Variants in MYT1L observed in about 807,000 individuals in gnomAD.
The protein encoded by MYT1L is myelin transcription factor 1-like protein.
Under a neutral mutation model 126.7 loss-of-function variants are expected in MYT1L, and 12 were observed. The ratio of observed to expected loss-of-function variants is 0.09; its 90% CI spans 0.06 to 0.15. The LOEUF (loss-of-function observed/expected upper bound fraction) is 0.15. Ranked by LOEUF, MYT1L falls within the 10% of genes least tolerant of loss-of-function variation. The probability of loss-of-function intolerance (pLI) is 1.00; values close to 1 mark genes in which losing one functional copy is unlikely to be tolerated. For missense variants in MYT1L, 979 were observed against 1,585.2 expected, an observed-to-expected ratio of 0.62 and a Z score of 6.49; for synonymous variants, 541 against 604.2, an observed-to-expected ratio of 0.90 and a Z score of 1.53.
chr2:1,871,253 C>T (rs1053625692), intron 18 of MYT1L, among the ~76,000 whole-genome samples: 1 of 152,190 alleles, frequency 6.6e-6, no homozygotes, highest in Non-Finnish European at 1.5e-5. Flanking sequence ...TGAAGTGCTA[C>T]GGAAATCTCT....
At chr2:1,837,756 C>T (rs2041104539) in intron 21 of MYT1L, among the ~76,000 whole-genome samples, 2 of 152,026 alleles carry the variant, frequency 1.3e-5, no homozygotes, top group Admixed American at 1.3e-4. Flanking sequence ...GGCCCCTGTC[C>T]TCATGCTGGG....
chr2:1,900,585 C>G (rs1322804149), intron 14 of MYT1L, among the ~76,000 whole-genome samples: 1 of 152,092 alleles, frequency 6.6e-6, no homozygotes, highest in African/African-American at 2.4e-5. Context: ...AGGCGTGAGC[C>G]CCCTCGCCCG....
intron 8 of MYT1L, among the ~76,000 whole-genome samples, chr2:1,960,821 G>C (rs2058901604): frequency 6.6e-6 from 1 of 151,850 alleles, no homozygotes; most frequent in African/African-American, 2.4e-5. Context: ...CATGTCACCT[G>C]CAGCTCAGAG....
At chr2:2,154,095 G>A (rs2086301713) in intron 3 of MYT1L, among the ~76,000 whole-genome samples, 1 of 152,290 alleles carries the variant, frequency 6.6e-6, no homozygotes, top group African/African-American at 2.4e-5. Context: ...GGGGCTCAGC[G>A]GGCGTTTTGA....
chr2:1,942,621 T>A (rs950771357), intron 9 of MYT1L, among the ~76,000 whole-genome samples: 3 of 152,328 alleles, frequency 2.0e-5, no homozygotes, highest in African/African-American at 7.2e-5. Context: ...CTTTGCCCAA[T>A]CATTGTATCT....
chr2:2,063,584 C>T (rs1169193246), intron 3 of MYT1L, among the ~76,000 whole-genome samples: 1 of 152,216 alleles, frequency 6.6e-6, no homozygotes, highest in Admixed American at 6.5e-5. Context: ...CGGCTCACGC[C>T]TGTAATCCCA....
At chr2:2,265,244 G>T (rs1282057787) in intron 2 of MYT1L, among the ~76,000 whole-genome samples, 3 of 151,842 alleles carry the variant, frequency 2.0e-5, no homozygotes, top group Non-Finnish European at 4.4e-5. Flanking sequence ...CTAACCTCAG[G>T]TGATCCACCC....
At chr2:2,295,581 G>GAC (rs370879387) in intron 1 of MYT1L, among the ~76,000 whole-genome samples, 354 of 33,966 alleles carry the variant, frequency 0.01, 26 homozygotes, top group South Asian at 0.041. Context: ...GAGAGAGAGA[G>GAC]AGACAGACAG....
intron 14 of MYT1L, among the ~76,000 whole-genome samples, chr2:1,900,820 C>T (rs2050245982): frequency 6.6e-6 from 1 of 152,168 alleles, no homozygotes; most frequent in Non-Finnish European, 1.5e-5. Flanking sequence ...AGCTTTCAGC[C>T]TGTCTGCTCA....
intron 14 of MYT1L, among the ~76,000 whole-genome samples, chr2:1,899,950 G>T (rs954813118): frequency 6.6e-6 from 1 of 152,196 alleles, no homozygotes; most frequent in Non-Finnish European, 1.5e-5. Flanking sequence ...TTTGTGAGTG[G>T]TTTGATCACA....
At chr2:2,006,008 A>ATGCG (rs2063284031) in intron 4 of MYT1L, among the ~76,000 whole-genome samples, 1 of 95,928 alleles carries the variant, frequency 1.0e-5, no homozygotes, top group Non-Finnish European at 2.1e-5. Context: ...TCCTGCATGC[A>ATGCG]TTCTTTCCTG....
chr2:2,186,492 C>T (rs1452389772), intron 2 of MYT1L, among the ~76,000 whole-genome samples: 2 of 152,212 alleles, frequency 1.3e-5, no homozygotes, highest in Non-Finnish European at 2.9e-5. Context: ...TCTCATGCAC[C>T]CATCCTGGAA....
At chr2:2,280,766 C>G (rs1246373865) in intron 2 of MYT1L, among the ~76,000 whole-genome samples, 1 of 152,180 alleles carries the variant, frequency 6.6e-6, no homozygotes, top group Non-Finnish European at 1.5e-5. Context: ...CAAACCATAA[C>G]CTGAGAGGCA....
At chr2:1,944,925 G>T (rs1317473636) in intron 8 of MYT1L, among the ~76,000 whole-genome samples, 1 of 152,180 alleles carries the variant, frequency 6.6e-6, no homozygotes, top group Non-Finnish European at 1.5e-5. Context: ...GCATGCACGG[G>T]TGCTAGCAAG....
At chr2:1,950,409 C>A (rs561864551) in intron 8 of MYT1L, among the ~76,000 whole-genome samples, 8 of 152,230 alleles carry the variant, frequency 5.3e-5, no homozygotes, top group African/African-American at 1.9e-4. Flanking sequence ...TGTCACTGAG[C>A]AATACAGACC....
chr2:2,229,834 T>C (rs1241229513), intron 2 of MYT1L, among the ~76,000 whole-genome samples: 1 of 152,222 alleles, frequency 6.6e-6, no homozygotes, highest in African/African-American at 2.4e-5. Flanking sequence ...AGCTGCCATC[T>C]GAACCAGTGT....
At chr2:2,256,194 G>T (rs576130999) in intron 2 of MYT1L, among the ~76,000 whole-genome samples, 1 of 152,198 alleles carries the variant, frequency 6.6e-6, no homozygotes, top group Admixed American at 6.5e-5. Flanking sequence ...GACATGGCAC[G>T]CTGCTCAAAG....
At chr2:1,853,269 G>A (rs1242337278) in intron 18 of MYT1L, among the ~76,000 whole-genome samples, 1 of 152,174 alleles carries the variant, frequency 6.6e-6, no homozygotes. Context: ...AGCCTAAGGG[G>A]AACTGGGGAT....
intron 1 of MYT1L, among the ~76,000 whole-genome samples, chr2:2,297,698 C>T (rs530264593): frequency 6.6e-6 from 1 of 152,280 alleles, no homozygotes; most frequent in African/African-American, 2.4e-5. Flanking sequence ...CAAGGAAGAA[C>T]AAATGTGTCC....
Sources: allele counts gnomAD v4.1 joint callset (sites outside exome capture counted in the v4.1 genomes callset), GRCh38; gene constraint gnomAD v4.1.1; transcripts MANE v1.5; gene names NCBI Gene and HGNC (gene_info 2026-07-23, HGNC 2026-07-21).